Variants in TP63 observed in about 807,000 individuals in gnomAD.
TP63 encodes tumor protein 63.
TP63 carries 17 observed loss-of-function variants against 82.8 expected under a neutral mutation model. The observed-to-expected ratio is 0.21, with a 90% confidence interval of 0.14 to 0.31. The LOEUF (loss-of-function observed/expected upper bound fraction) is 0.31. TP63 is among the 10% of genes least tolerant of loss of function. The pLI, the probability that TP63 is intolerant of heterozygous loss-of-function variation, is 1.00. For missense variants in TP63, 648 were observed against 895.3 expected (o/e 0.72, Z 3.52); for synonymous variants, 330 against 321.7 (o/e 1.03, Z -0.28).
intron 10 of TP63, among the ~76,000 whole-genome samples, chr3:189,879,100 G>A (rs1043451753): frequency 1.3e-5 from 2 of 152,148 alleles, no homozygotes; most frequent in Admixed American, 1.3e-4. Context: ...GGTCTTAGAG[G>A]TCTTTAGTTA....
At chr3:189,777,839 C>CTTT (rs1723922139) in intron 3 of TP63, among the ~76,000 whole-genome samples, 6 of 80,436 alleles carry the variant, frequency 7.5e-5, no homozygotes, top group South Asian at 4.9e-4. Flanking sequence ...TCTTCTTCTT[C>CTTT]TTCTTCTTTT....
At chr3:189,772,029 T>A (rs562978179) in intron 3 of TP63, among the ~76,000 whole-genome samples, 1 of 152,324 alleles carries the variant, frequency 6.6e-6, no homozygotes, top group African/African-American at 2.4e-5. Context: ...ACTCCCTTGA[T>A]GTACTAAGAG....
At chr3:189,800,434 A>G (rs2108617599) in intron 3 of TP63, among the ~76,000 whole-genome samples, 1 of 151,796 alleles carries the variant, frequency 6.6e-6, no homozygotes, top group East Asian at 1.9e-4. Flanking sequence ...TACCCATTCT[A>G]ACTAAGAATG....
chr3:189,598,284 A>G, the TP63 span, among the ~76,000 whole-genome samples: 1 of 148,766 alleles, frequency 6.7e-6, no homozygotes, highest in Admixed American at 6.7e-5. Flanking sequence ...AGAGGAGGGG[A>G]GGAAAGGGAC....
chr3:189,882,253 G>C (rs527993694), intron 10 of TP63, among the ~76,000 whole-genome samples: 1 of 151,930 alleles, frequency 6.6e-6, no homozygotes, highest in Non-Finnish European at 1.5e-5. Context: ...TTTTAAGTAA[G>C]TTTTTAATGT....
upstream of TP63, among the ~76,000 whole-genome samples, chr3:189,629,204 C>G (rs1729382124): frequency 6.6e-6 from 1 of 151,696 alleles, no homozygotes; most frequent in South Asian, 2.1e-4. Flanking sequence ...ACAGCAAGAC[C>G]CCATATCTAA....
intron 1 of TP63, among the ~76,000 whole-genome samples, chr3:189,688,965 G>C (rs544818878): frequency 2.0e-5 from 3 of 152,012 alleles, no homozygotes; most frequent in Non-Finnish European, 4.4e-5. Context: ...TCCCAGAGAG[G>C]GGAAGTAAAC....
chr3:189,753,036 T>A (rs975876424), intron 3 of TP63, among the ~76,000 whole-genome samples: 3 of 152,152 alleles, frequency 2.0e-5, no homozygotes, highest in Admixed American at 6.5e-5. Flanking sequence ...TTTTTTAATT[T>A]ATTAAGGTTT....
chr3:189,751,011 GC>G (rs888463194), intron 3 of TP63, among the ~76,000 whole-genome samples: 4 of 151,914 alleles, frequency 2.6e-5, no homozygotes, highest in African/African-American at 9.7e-5. Flanking sequence ...GATGTTCCCT[GC>G]CCTGTGTCCA....
At chr3:189,662,738 A>G (rs1577197335) in intron 1 of TP63, among the ~76,000 whole-genome samples, 1 of 152,056 alleles carries the variant, frequency 6.6e-6, no homozygotes, top group Non-Finnish European at 1.5e-5. Flanking sequence ...AAATAAATAT[A>G]TGACTTCACA....
intron 1 of TP63, among the ~76,000 whole-genome samples, chr3:189,642,694 A>G (rs1712005715): frequency 6.6e-6 from 1 of 152,174 alleles, no homozygotes. Flanking sequence ...CTTATTATTT[A>G]TATTTTATAT....
rs780922243 is a variant in TP63, at chr3:189,890,777, C to T, written c.1653-12C>T. ...TCTGTTTCCTCCTTCCTCTTCCCTC[C>T]TCCCTCTGCAGTTTCTTAGCGAGGT... On this transcript the variant is annotated splice_polypyrimidine_tract_variant and intron_variant, in intron 12 of 13. Transcript: ENST00000264731. 6.2e-7 allele frequency: 1 copy of T among 1,612,770 alleles called. No homozygotes were observed. Among genetic ancestry groups the T allele is most frequent in the East Asian group, 2.2e-5 (1 of 44,864 alleles).
At chr3:189,784,053 T>C (rs1043881296) in intron 3 of TP63, among the ~76,000 whole-genome samples, 4 of 152,038 alleles carry the variant, frequency 2.6e-5, no homozygotes, top group South Asian at 2.1e-4. Flanking sequence ...ATAGAAACTT[T>C]TAATGTAATT....
chr3:189,718,638 T>A (rs1376605746), intron 1 of TP63, among the ~76,000 whole-genome samples: 3 of 151,790 alleles, frequency 2.0e-5, no homozygotes. Context: ...AAATAACATT[T>A]AGCAGGCTAA....
At chr3:189,681,028 T>G (rs928167499) in intron 1 of TP63, among the ~76,000 whole-genome samples, 12 of 152,166 alleles carry the variant, frequency 7.9e-5, no homozygotes, top group African/African-American at 2.9e-4. Flanking sequence ...ACACAGCCAG[T>G]ATGTCTTTCC....
At chr3:189,719,246 T>C (rs1160214778) in intron 1 of TP63, among the ~76,000 whole-genome samples, 1 of 152,238 alleles carries the variant, frequency 6.6e-6, no homozygotes, top group East Asian at 1.9e-4. Context: ...CTTTCTTTTG[T>C]ACATACTCAG....
At chr3:189,714,829 C>CT (rs562928402) in intron 1 of TP63, among the ~76,000 whole-genome samples, 2 of 151,968 alleles carry the variant, frequency 1.3e-5, no homozygotes, top group Admixed American at 6.6e-5. Flanking sequence ...AAAAGCATCT[C>CT]TTTTTTTTAA....
intron 1 of TP63, among the ~76,000 whole-genome samples, chr3:189,700,995 C>T (rs1368641444): frequency 2.0e-5 from 3 of 152,044 alleles, no homozygotes; most frequent in Non-Finnish European, 2.9e-5. Flanking sequence ...CAAGGCCCAT[C>T]CAAACCAGAA....
rs185906544 is a variant in TP63 at position 189,644,195 on chromosome 3, C to A, written c.62+12618C>A. Reference sequence around the variant, plus strand: ...ATCACACAATCTTACACTTTCCTTTCTGGCCACTATCTCCTCTCTCATACC... The same window carrying A: ...ATCACACAATCTTACACTTTCCTTTATGGCCACTATCTCCTCTCTCATACC... On this transcript the variant is annotated intron_variant, in intron 1 of 13. Transcript: ENST00000264731. 3.3e-5 allele frequency among the ~76,000 whole-genome samples: 5 copies of A among 152,068 alleles called. No homozygotes were observed. In the East Asian group the frequency reaches 9.7e-4, roughly 30 times the overall value.
Sources: gnomAD v4.1 joint callset for allele counts (sites outside exome capture counted in the v4.1 genomes callset) on GRCh38, gnomAD v4.1.1 for gene constraint, MANE v1.5 for transcripts, NCBI Gene and HGNC (gene_info 2026-07-23, HGNC 2026-07-21) for gene names.